Variants in CSNK1G3 observed in about 807,000 individuals in gnomAD.
CSNK1G3 encodes casein kinase I isoform gamma-3.
CSNK1G3 carries 23 observed loss-of-function variants against 64.3 expected under a neutral mutation model. The observed-to-expected ratio is 0.36, with a 90% CI of 0.26 to 0.51. The LOEUF (loss-of-function observed/expected upper bound fraction) is 0.51. Ranked by LOEUF, CSNK1G3 falls within the 20% of genes least tolerant of loss-of-function variation. CSNK1G3 has a pLI of 0.96. For synonymous variants in CSNK1G3, 158 were observed against 162.2 expected, an observed-to-expected ratio of 0.97 and a Z score of 0.20; for missense variants, 357 against 510.5, an observed-to-expected ratio of 0.70 and a Z score of 2.90.
chr5:123,605,286 TTCTC>T (rs768630902), intron 11 of CSNK1G3, 49 bp from the exon 13 acceptor site: 43 of 1,457,160 alleles, frequency 3.0e-5, no homozygotes, highest in African/African-American at 5.6e-5. Flanking sequence ...CTGTTTCTGA[TTCTC>T]TCTCTCTCTT....
chr5:123,613,480 T>C (rs919521115), intron 12 of CSNK1G3, among the ~76,000 whole-genome samples: 1 of 152,100 alleles, frequency 6.6e-6, no homozygotes, highest in Non-Finnish European at 1.5e-5. Context: ...TATATATGTA[T>C]GTGTGTATAT....
chr5:123,564,772 T>C (rs1008782741), intron 4 of CSNK1G3, among the ~76,000 whole-genome samples: 1 of 152,204 alleles, frequency 6.6e-6, no homozygotes, highest in Non-Finnish European at 1.5e-5. Flanking sequence ...TATTTGGGGT[T>C]AATTGATAGA....
chr5:123,533,119 T>C (rs1207981080), intron 1 of CSNK1G3, among the ~76,000 whole-genome samples: 1 of 151,964 alleles, frequency 6.6e-6, no homozygotes, highest in African/African-American at 2.4e-5. Context: ...ATTGACACTT[T>C]AAATAATGTT....
At chr5:123,575,588 A>G (rs1213476371) in intron 5 of CSNK1G3, 141 bp from the exon 6 acceptor site, 3 of 607,480 alleles carry the variant, frequency 4.9e-6, no homozygotes, top group Non-Finnish European at 8.9e-6. Flanking sequence ...TGATAGGCTG[A>G]CATCATTTTA....
chr5:123,519,492 A>G (rs146842401), intron 1 of CSNK1G3, among the ~76,000 whole-genome samples: 1,908 of 152,210 alleles, frequency 0.013, 19 homozygotes, highest in Non-Finnish European at 0.019. Flanking sequence ...TTACATTAAA[A>G]TTTTTTCCTA....
intron 6 of CSNK1G3, among the ~76,000 whole-genome samples, chr5:123,581,083 C>T (rs749828881): frequency 8.6e-5 from 13 of 151,778 alleles, no homozygotes; most frequent in Non-Finnish European, 1.9e-4. Flanking sequence ...TTAAGCTGCT[C>T]ACACAGCTTT....
chr5:123,584,084 T>A (rs963096236), intron 6 of CSNK1G3, among the ~76,000 whole-genome samples: 2 of 152,186 alleles, frequency 1.3e-5, no homozygotes, highest in African/African-American at 4.8e-5. Context: ...TTATTTGGAT[T>A]TTTCTACATA....
chr5:123,515,473 G>T (rs1776982214), intron 1 of CSNK1G3, among the ~76,000 whole-genome samples: 1 of 152,160 alleles, frequency 6.6e-6, no homozygotes, highest in African/African-American at 2.4e-5. Flanking sequence ...TTTTAATGAA[G>T]TAATTATAAA....
intron 6 of CSNK1G3, among the ~76,000 whole-genome samples, chr5:123,582,911 A>C (rs1317180368): frequency 1.3e-5 from 2 of 152,216 alleles, no homozygotes; most frequent in East Asian, 1.9e-4. Context: ...AAAGAACACA[A>C]AAAAAGAAAT....
At chr5:123,592,156 T>A (rs1301727370) in intron 10 of CSNK1G3, among the ~76,000 whole-genome samples, 2 of 152,062 alleles carry the variant, frequency 1.3e-5, no homozygotes, top group Non-Finnish European at 2.9e-5. Flanking sequence ...AAAAGGTAGC[T>A]TTTGACATGA....
At chr5:123,575,577 A>G (rs1789004300) in intron 5 of CSNK1G3, 152 bp from the exon 6 acceptor site, 1 of 594,930 alleles carries the variant, frequency 1.7e-6, no homozygotes, top group South Asian at 2.1e-5. Flanking sequence ...TATGTGAAGA[A>G]TGATAGGCTG....
At chr5:123,616,715 G>A (rs1749511587) in exon 13 of CSNK1G3, 1 of 152,278 alleles carries the variant, frequency 6.6e-6, no homozygotes, top group Admixed American at 6.6e-5. Flanking sequence ...ACACATCCCT[G>A]TTTAAAAGTA....
chr5:123,600,860 A>G (rs961321946), intron 10 of CSNK1G3, among the ~76,000 whole-genome samples: 9 of 150,862 alleles, frequency 6.0e-5, no homozygotes, highest in Non-Finnish European at 2.9e-5. Flanking sequence ...TGTTTTTCCA[A>G]CATCCCTCTT....
At chr5:123,568,742 T>C (rs1787462074) in intron 4 of CSNK1G3, among the ~76,000 whole-genome samples, 1 of 152,220 alleles carries the variant, frequency 6.6e-6, no homozygotes, top group Admixed American at 6.5e-5. Context: ...CTGCACTCTA[T>C]GTTTGTTAGC....
At chr5:123,552,695 T>A (rs1368839917) in intron 2 of CSNK1G3, among the ~76,000 whole-genome samples, 1 of 152,202 alleles carries the variant, frequency 6.6e-6, no homozygotes, top group Non-Finnish European at 1.5e-5. Context: ...TAAGATTACA[T>A]CTCATAATAA....
rs532660950 is a variant in CSNK1G3, at chr5:123,529,699, G to A, written c.-247-15718G>A. On this transcript the variant is annotated intron_variant, in intron 1 of 12. Coordinates refer to ENST00000345990, the Ensembl canonical transcript of CSNK1G3. ...TTAGATAGTAAGATGACCTGCTCAC[G>A]GAGGTTGGTATGGTGAATATTTCGG... 8.5e-5 allele frequency among the ~76,000 whole-genome samples: 13 copies of A among 152,228 alleles called. No homozygotes were observed. The South Asian group carries it at 2.5e-3, about 29-fold the overall frequency.
At position 123,537,758 on chromosome 5, in the gene CSNK1G3, T is replaced by C. The variant is rs577286380; in HGVS notation, c.-247-7659T>C. Among the ~76,000 whole-genome samples the C allele has an allele frequency of 9.2e-5, 14 of 152,258 alleles. No individual in the cohort carries two copies. The South Asian group carries it at 2.3e-3, about 25-fold the overall frequency. Reference sequence around the variant, plus strand: ...AGTTTGATGAGTTTTGGCAAATGTATGTATCCATGTATTTCCTCCCAATTA... The same window carrying C: ...AGTTTGATGAGTTTTGGCAAATGTACGTATCCATGTATTTCCTCCCAATTA... On this transcript the variant is annotated intron_variant, in intron 1 of 12. Transcript: ENST00000345990.
intron 1 of CSNK1G3, among the ~76,000 whole-genome samples, chr5:123,524,498 A>T (rs952240046): frequency 1.3e-5 from 2 of 152,136 alleles, no homozygotes; most frequent in Non-Finnish European, 2.9e-5. Context: ...CCTCTGTTTT[A>T]GTTTCCTTAA....
At chr5:123,531,904 C>A (rs987136532) in intron 1 of CSNK1G3, among the ~76,000 whole-genome samples, 8 of 151,762 alleles carry the variant, frequency 5.3e-5, no homozygotes, top group Non-Finnish European at 1.0e-4. Context: ...TGAGTCTTCT[C>A]TCAGTAGTTT....
Sources: allele counts gnomAD v4.1 joint callset (sites outside exome capture counted in the v4.1 genomes callset), GRCh38; gene constraint gnomAD v4.1.1; transcripts MANE v1.5; gene names NCBI Gene and HGNC (gene_info 2026-07-23, HGNC 2026-07-21).